The following MSH4 variants were observed in gnomAD, a reference collection of about 807,000 sequenced individuals.
MSH4 encodes mutS protein homolog 4.
A neutral mutation model predicts 113.7 loss-of-function variants in MSH4; 106 were observed. That is an observed-to-expected ratio of 0.93 (90% CI 0.80 to 1.10). The LOEUF (loss-of-function observed/expected upper bound fraction) is 1.10, where lower values mean the gene tolerates loss of function less well. Among genes scored for constraint, MSH4 ranks in the 50% least tolerant of loss-of-function variants. The pLI is 0.00. For missense variants in MSH4, 1,061 were observed against 1,093.7 expected, an observed-to-expected ratio of 0.97 and a Z score of 0.42; for synonymous variants, 368 against 380.2, an observed-to-expected ratio of 0.97 and a Z score of 0.37.
intron 7 of MSH4, among the ~76,000 whole-genome samples, chr1:75,845,468 G>C (rs1415007159): frequency 6.6e-6 from 1 of 152,176 alleles, no homozygotes; most frequent in Non-Finnish European, 1.5e-5. Flanking sequence ...TAAGAAAGGA[G>C]TAACAGGCCC....
intron 8 of MSH4, among the ~76,000 whole-genome samples, chr1:75,852,881 C>T (rs996990143): frequency 3.3e-5 from 5 of 152,118 alleles, no homozygotes; most frequent in Admixed American, 6.6e-5. Context: ...ACTTAACTCT[C>T]TTTTCTTCCT....
At chr1:75,855,444 G>C in intron 8 of MSH4, among the ~76,000 whole-genome samples, 1 of 152,160 alleles carries the variant, frequency 6.6e-6, no homozygotes, top group Non-Finnish European at 1.5e-5. Flanking sequence ...CTGAAATCAA[G>C]GTGTTTTAGG....
chr1:75,885,910 T>C (rs1288477228), intron 15 of MSH4, among the ~76,000 whole-genome samples: 1 of 37,366 alleles, frequency 2.7e-5, no homozygotes, highest in Non-Finnish European at 6.5e-5. Flanking sequence ...TTATTTAGTA[T>C]ATATAATATA....
chr1:75,837,370 G>A (rs947221375), intron 7 of MSH4, among the ~76,000 whole-genome samples: 1 of 145,250 alleles, frequency 6.9e-6, no homozygotes, highest in Admixed American at 7.1e-5. Flanking sequence ...GAAACTTAAT[G>A]TACCCAAATT....
chr1:75,887,304 C>T lies in MSH4; in HGVS notation c.2108-1947C>T, dbSNP rs147358083. On this transcript the variant is annotated intron_variant, in intron 15 of 19. Transcript: ENST00000263187. ...TCCCTCTCCTGCTCGCATATGAGGA[C>T]GGTCCTTGCTTTCTATTTGCCTTCC... Among the ~76,000 whole-genome samples, 250 of 152,174 alleles carry T rather than the reference C, an allele frequency of 1.6e-3. 1 individual carries two copies. Among genetic ancestry groups the T allele is most frequent in the South Asian group, 0.014 (68 of 4,826 alleles).
intron 19 of MSH4, among the ~76,000 whole-genome samples, chr1:75,907,293 A>G (rs914815861): frequency 1.3e-5 from 2 of 151,910 alleles, no homozygotes; most frequent in African/African-American, 4.8e-5. Flanking sequence ...CTCAGTTTGC[A>G]GTTTTTTTCC....
intron 8 of MSH4, among the ~76,000 whole-genome samples, chr1:75,865,147 C>T (rs1651536472): frequency 6.6e-6 from 1 of 152,112 alleles, no homozygotes; most frequent in Non-Finnish European, 1.5e-5. Context: ...TACTTCCCCA[C>T]TCCCTTGCTT....
At chr1:75,905,623 C>T (rs1652608061) in intron 19 of MSH4, among the ~76,000 whole-genome samples, 1 of 152,060 alleles carries the variant, frequency 6.6e-6, no homozygotes, top group Non-Finnish European at 1.5e-5. Flanking sequence ...TTTGGATGAT[C>T]TGGCCATTAC....
chr1:75,826,383 C>G (rs1650553773), intron 7 of MSH4, among the ~76,000 whole-genome samples: 1 of 152,026 alleles, frequency 6.6e-6, no homozygotes. Flanking sequence ...GCATAGTGGT[C>G]TATTTTGTTA....
intron 19 of MSH4, among the ~76,000 whole-genome samples, chr1:75,906,829 C>A (rs1026715900): frequency 3.6e-5 from 5 of 139,710 alleles, no homozygotes; most frequent in African/African-American, 1.3e-4. Flanking sequence ...ATAAACGTGT[C>A]TTTTTTTTTT....
rs1372740302 is a variant in MSH4 at position 75,912,692 on chromosome 1, A to G, written c.2620-4A>G. 1 of 1,472,550 alleles carries G rather than the reference A, an allele frequency of 6.8e-7. No homozygotes were observed. Among genetic ancestry groups the G allele is most frequent in the Non-Finnish European group, 8.9e-7 (1 of 1,118,816 alleles). 91.2% of individuals were successfully genotyped at this position (1,472,550 alleles called of 1,614,324 possible). A position where few individuals can be genotyped will look rare whatever the true frequency, so the allele number is the denominator to read the frequency against. On this transcript the variant is annotated splice_polypyrimidine_tract_variant and splice_region_variant and intron_variant, in intron 19 of 19. Coordinates refer to ENST00000263187, the MANE Select transcript of MSH4 (RefSeq NM_002440.4). ...TATATATATTTTTTTTTTTTCAATG[A>G]CAGCAAAACCAAAGGAGTACCCCTG... is the stretch of plus-strand genomic sequence containing the variant.
rs774155147 is a variant in MSH4, at chr1:75,807,078, T to C, written c.525T>C (p.Ser175=). Reference sequence around the variant, plus strand: ...CCAGAGGTGAAATAGGAATGGCAAGTATTGATTTAAAAAACCCCCAAATTA... The same window carrying C: ...CCAGAGGTGAAATAGGAATGGCAAGCATTGATTTAAAAAACCCCCAAATTA... ...GLARGEIGMA[S]IDLKNPQIIL... Residue 175 remains serine (S), a synonymous_variant, in exon 3 of 20, where the codon AGT becomes AGC. Coordinates refer to ENST00000263187, the MANE Select transcript of MSH4 (RefSeq NM_002440.4). 14 of 1,587,970 alleles carry C rather than the reference T, an allele frequency of 8.8e-6. No individual in the cohort carries two copies. Among genetic ancestry groups the C allele is most frequent in the Non-Finnish European group, 1.2e-5 (14 of 1,172,750 alleles).
At chr1:75,879,564 C>A (rs1476492129) in intron 12 of MSH4, among the ~76,000 whole-genome samples, 1 of 152,146 alleles carries the variant, frequency 6.6e-6, no homozygotes, top group Admixed American at 6.6e-5. Flanking sequence ...TTGGGAAAGT[C>A]TAACCCACTC....
At chr1:75,887,513 TG>T (rs1482057408) in intron 15 of MSH4, among the ~76,000 whole-genome samples, 2 of 152,162 alleles carry the variant, frequency 1.3e-5, no homozygotes, top group East Asian at 3.8e-4. Context: ...ATACCTTGCA[TG>T]ATAATACGCA....
At chr1:75,834,661 A>G (rs2100533792) in intron 7 of MSH4, among the ~76,000 whole-genome samples, 1 of 152,282 alleles carries the variant, frequency 6.6e-6, no homozygotes, top group Non-Finnish European at 1.5e-5. Flanking sequence ...ACCATCATTC[A>G]GAGCAAACTA....
At chr1:75,849,520 A>T (rs1225782495) in intron 8 of MSH4, among the ~76,000 whole-genome samples, 1 of 150,902 alleles carries the variant, frequency 6.6e-6, no homozygotes, top group Non-Finnish European at 1.5e-5. Context: ...TTTGTATTAT[A>T]AAGAAAATAC....
chr1:75,853,755 C>T (rs1228880105), intron 8 of MSH4, among the ~76,000 whole-genome samples: 1 of 151,940 alleles, frequency 6.6e-6, no homozygotes, highest in Non-Finnish European at 1.5e-5. Flanking sequence ...CAAGCCTCTT[C>T]TAATTTGCTT....
At chr1:75,901,822 A>C (rs937725279) in intron 19 of MSH4, among the ~76,000 whole-genome samples, 2 of 151,914 alleles carry the variant, frequency 1.3e-5, no homozygotes, top group African/African-American at 4.8e-5. Context: ...GCATTTGTTA[A>C]TTGTCTGTCT....
intron 9 of MSH4, among the ~76,000 whole-genome samples, chr1:75,870,470 A>G (rs1651686910): frequency 6.6e-6 from 1 of 152,158 alleles, no homozygotes; most frequent in Non-Finnish European, 1.5e-5. Flanking sequence ...TCCCTACCCA[A>G]AACTCACCTT....
Sources: gnomAD v4.1 joint callset for allele counts (sites outside exome capture counted in the v4.1 genomes callset) on GRCh38, gnomAD v4.1.1 for gene constraint, MANE v1.5 for transcripts, NCBI Gene and HGNC (gene_info 2026-07-23, HGNC 2026-07-21) for gene names.